The following COPS7B variants were observed in gnomAD, a reference collection of about 807,000 sequenced individuals.
COPS7B encodes the protein COP9 signalosome subunit 7B.
COPS7B carries 9 observed loss-of-function variants against 33.4 expected under a neutral mutation model. The observed-to-expected ratio is 0.27, with a 90% CI of 0.16 to 0.47. The LOEUF (loss-of-function observed/expected upper bound fraction) is 0.47, where lower values mean the gene tolerates loss of function less well. Ranked by LOEUF, COPS7B falls within the 20% of genes least tolerant of loss-of-function variation. The probability of loss-of-function intolerance (pLI) is 0.99; values close to 1 mark genes in which losing one functional copy is unlikely to be tolerated. For missense variants in COPS7B, 242 were observed against 318.2 expected (o/e 0.76, Z 1.82); for synonymous variants, 119 against 126.3 (o/e 0.94, Z 0.39).
At chr2:231,791,922 C>T in intron 3 of COPS7B, 114 bp downstream of exon 3, 1 of 924,688 alleles carries the variant, frequency 1.1e-6, no homozygotes, top group Non-Finnish European at 1.8e-6. Flanking sequence ...CTTGACCTGG[C>T]TGCCTCCCAT....
At chr2:231,782,042 G>A (rs925657804), upstream of COPS7B, among the ~76,000 whole-genome samples, 1 of 152,190 alleles carries the variant, frequency 6.6e-6, no homozygotes, top group Non-Finnish European at 1.5e-5. Context: ...GCTATGGATT[G>A]TATACTCAGA....
intron 1 of COPS7B, 29 bp from the exon 2 acceptor site, chr2:231,788,522 GAAGA>G: frequency 6.2e-7 from 1 of 1,603,226 alleles, no homozygotes; most frequent in East Asian, 2.2e-5. Context: ...AAAGGAGAAG[GAAGA>G]ATGACTGACA....
chr2:231,806,952 A>G (rs2049911350), intron 6 of COPS7B, among the ~76,000 whole-genome samples: 1 of 152,238 alleles, frequency 6.6e-6, no homozygotes, highest in Admixed American at 6.5e-5. Flanking sequence ...GAGCTGCTTA[A>G]GTATTTACGA....
chr2:231,797,567 A>G (rs1254065470), intron 5 of COPS7B, among the ~76,000 whole-genome samples: 4 of 152,148 alleles, frequency 2.6e-5, no homozygotes, highest in South Asian at 2.1e-4. Context: ...TAAGCCCCCA[A>G]TATGTTTGAC....
At chr2:231,786,249 G>GC, upstream of COPS7B, 1 of 167,248 alleles carries the variant, frequency 6.0e-6, no homozygotes, top group Non-Finnish European at 1.2e-5. Context: ...CTCTCCTTGG[G>GC]CCCCTAGCCA....
At chr2:231,787,617 C>T (rs1024786185) in intron 1 of COPS7B, among the ~76,000 whole-genome samples, 9 of 151,230 alleles carry the variant, frequency 6.0e-5, no homozygotes, top group Non-Finnish European at 1.0e-4. Context: ...GTTAAAATGT[C>T]GTATCAGGAG....
chr2:231,803,360 T>C (rs2049801782), intron 6 of COPS7B, among the ~76,000 whole-genome samples: 1 of 152,102 alleles, frequency 6.6e-6, no homozygotes, highest in African/African-American at 2.4e-5. Context: ...GGGACGAGTG[T>C]GGCTGAGATG....
rs1272277846 is a variant in COPS7B at position 231,798,946 on chromosome 2, G to A, written c.618G>A (p.Gln206=). The part of the protein sequence containing the change: ...NQYKENHNRT[Q]QQVEAEVTNI... ...ACAAAGAGAACCACAACCGAACTCA[G>A]CAGCAGGTAGAAGCAGAGGTAAGGA... The change falls in exon 6 of 7, where the codon CAG becomes CAA. Residue 206 remains glutamine, a synonymous_variant. Coordinates refer to ENST00000350033, the MANE Select transcript of COPS7B (RefSeq NM_022730.4). 1.2e-6 allele frequency: 2 copies of A among 1,613,980 alleles called. No homozygotes were observed. Among genetic ancestry groups the A allele is most frequent in the African/African-American group, 1.3e-5 (1 of 74,924 alleles).
Position 231,791,749 on chromosome 2 carries a change from A to G in COPS7B, c.179A>G (p.Asn60Ser), listed in dbSNP as rs199661980. 15 of 1,614,030 alleles carry G rather than the reference A, an allele frequency of 9.3e-6. No individual in the cohort carries two copies. The highest frequency in any genetic ancestry group is 1.2e-5 in the Non-Finnish European group (14 of 1,180,034). Residue 60 changes from asparagine (N) to serine (S), a missense_variant, in exon 3 of 7, where the codon AAT becomes AGT. By Grantham distance (46) the Asn-to-Ser change is conservative. Coordinates refer to ENST00000350033, the MANE Select transcript of COPS7B (RefSeq NM_022730.4). ...ANVQELAEGA[N>S]AAYLQLLNLF... ...CCTCTTCAGCTTGCGGAAGGAGCTA[A>G]TGCTGCTTATTTGCAGTTGTTGAAC...
chr2:231,781,809 C>T, upstream of COPS7B: 2 of 1,550,158 alleles, frequency 1.3e-6, no homozygotes, highest in South Asian at 1.2e-5. Context: ...AGACCCTTCT[C>T]ACCCTCAAAA....
chr2:231,792,857 A>G (rs2049457470), intron 3 of COPS7B, among the ~76,000 whole-genome samples: 1 of 152,108 alleles, frequency 6.6e-6, no homozygotes, highest in Non-Finnish European at 1.5e-5. Context: ...CCTGATACTC[A>G]GGGCCTTCGC....
At chr2:231,796,975 G>A (rs2049590191) in intron 5 of COPS7B, among the ~76,000 whole-genome samples, 1 of 152,210 alleles carries the variant, frequency 6.6e-6, no homozygotes. Context: ...CATTCTACGA[G>A]GATTCACTGT....
intron 2 of COPS7B, chr2:231,791,521 T>C (rs1472101974): frequency 3.5e-6 from 2 of 566,020 alleles, no homozygotes; most frequent in African/African-American, 1.9e-5. Context: ...AAAACATTCC[T>C]GAGAGAGAGA....
chr2:231,783,860 G>A (rs1193852437), upstream of COPS7B, among the ~76,000 whole-genome samples: 1 of 152,074 alleles, frequency 6.6e-6, no homozygotes, highest in East Asian at 1.9e-4. Context: ...CCTCTGCCTC[G>A]CAAGTAGCTA....
At chr2:231,782,246 G>A (rs1410279076), upstream of COPS7B, among the ~76,000 whole-genome samples, 9 of 152,212 alleles carry the variant, frequency 5.9e-5, no homozygotes, top group Non-Finnish European at 1.5e-5. Flanking sequence ...TTAGCAGCAT[G>A]GCAATGTGAA....
intron 1 of COPS7B, among the ~76,000 whole-genome samples, chr2:231,787,074 G>A (rs1314202704): frequency 6.6e-6 from 1 of 151,718 alleles, no homozygotes; most frequent in Non-Finnish European, 1.5e-5. Context: ...CTCTTGGAAG[G>A]GCCTTTTCGC....
upstream of COPS7B, among the ~76,000 whole-genome samples, chr2:231,785,771 A>G (rs2049225046): frequency 6.6e-6 from 1 of 152,210 alleles, no homozygotes; most frequent in South Asian, 2.1e-4. Context: ...ATTATGTGGC[A>G]TTTCTTAGCC....
chr2:231,803,671 C>T (rs1441221546), intron 6 of COPS7B, among the ~76,000 whole-genome samples: 1 of 152,076 alleles, frequency 6.6e-6, no homozygotes, highest in African/African-American at 2.4e-5. Context: ...AATTGAGTCA[C>T]CATGAGAGAG....
rs2049966173 is a variant in COPS7B, at chr2:231,808,722, C to T, written c.*1077C>T. 1 of 162,652 alleles carries T rather than the reference C, an allele frequency of 6.1e-6. No homozygotes were observed. Among genetic ancestry groups the T allele is most frequent in the Non-Finnish European group, 1.2e-5 (1 of 84,282 alleles). 10.1% of individuals were successfully genotyped at this position (162,652 alleles called of 1,614,324 possible). A position where few individuals can be genotyped will look rare whatever the true frequency, so the allele number is the denominator to read the frequency against. ...CTAATACATTTCAACATGCTTTTGT[C>T]CCCCCTCGTGTCAATATTTGTTATA... On this transcript the variant is annotated 3_prime_UTR_variant, in exon 7 of 7. Transcript: ENST00000350033.
Sources: allele counts gnomAD v4.1 joint callset (sites outside exome capture counted in the v4.1 genomes callset), GRCh38; gene constraint gnomAD v4.1.1; transcripts MANE v1.5; gene names NCBI Gene and HGNC (gene_info 2026-07-23, HGNC 2026-07-21).